The following PCDH15 variants were observed in gnomAD, a reference collection of about 807,000 sequenced individuals.
PCDH15 encodes protocadherin-15.
In PCDH15, 129 loss-of-function variants were observed where a neutral mutation model predicts 178.5. That is an observed-to-expected ratio of 0.72 (90% CI 0.63 to 0.84). The LOEUF (loss-of-function observed/expected upper bound fraction) is 0.84. Ranked by LOEUF, PCDH15 falls within the 40% of genes least tolerant of loss-of-function variation. The pLI, the probability that PCDH15 is intolerant of heterozygous loss-of-function variation, is 0.00. For synonymous variants in PCDH15, 800 were observed against 732.0 expected, an observed-to-expected ratio of 1.09 and a Z score of -1.50; for missense variants, 2,230 against 2,099.9, an observed-to-expected ratio of 1.06 and a Z score of -1.21.
intron 2 of PCDH15, among the ~76,000 whole-genome samples, chr10:55,347,604 T>C (rs941423229): frequency 6.6e-6 from 1 of 152,196 alleles, no homozygotes; most frequent in African/African-American, 2.4e-5. Context: ...TTCATGTAAA[T>C]TAATTACCCT....
At chr10:55,330,542 G>T (rs1477198322) in intron 2 of PCDH15, among the ~76,000 whole-genome samples, 1 of 151,714 alleles carries the variant, frequency 6.6e-6, no homozygotes, top group African/African-American at 2.4e-5. Flanking sequence ...AATATTCAGG[G>T]TTGTCAAGTC....
chr10:54,607,621 C>T (rs940746984), intron 2 of PCDH15, among the ~76,000 whole-genome samples: 3 of 151,852 alleles, frequency 2.0e-5, no homozygotes, highest in Admixed American at 6.6e-5. Context: ...ATAGTCCTTA[C>T]GATTAGAATT....
At chr10:53,968,028 G>T (rs1429537699) in intron 21 of PCDH15, among the ~76,000 whole-genome samples, 1 of 152,138 alleles carries the variant, frequency 6.6e-6, no homozygotes, top group Non-Finnish European at 1.5e-5. Flanking sequence ...TGGACAGTGG[G>T]TGCAGCCCAT....
At chr10:55,045,449 T>A (rs1471771566) in intron 2 of PCDH15, among the ~76,000 whole-genome samples, 1 of 152,030 alleles carries the variant, frequency 6.6e-6, no homozygotes, top group Non-Finnish European at 1.5e-5. Context: ...GTGAAAAATA[T>A]AGGGAGGAGA....
At chr10:55,193,404 T>C (rs1839997475) in intron 1 of PCDH15, among the ~76,000 whole-genome samples, 2 of 152,076 alleles carry the variant, frequency 1.3e-5, no homozygotes, top group South Asian at 2.1e-4. Flanking sequence ...GTCTGAGTTA[T>C]TTAGAAAAAT....
chr10:54,301,214 G>A (rs2060131262), intron 8 of PCDH15, among the ~76,000 whole-genome samples: 1 of 152,098 alleles, frequency 6.6e-6, no homozygotes, highest in South Asian at 2.1e-4. Context: ...AACAAATTCT[G>A]GACACACAAG....
chr10:55,217,932 A>G (rs1016340657), intron 1 of PCDH15, among the ~76,000 whole-genome samples: 6 of 151,980 alleles, frequency 3.9e-5, no homozygotes, highest in Non-Finnish European at 8.8e-5. Flanking sequence ...CTTACTATGA[A>G]GCACAAAATG....
chr10:54,340,057 T>C (rs1488588776), intron 6 of PCDH15, among the ~76,000 whole-genome samples: 1 of 152,196 alleles, frequency 6.6e-6, no homozygotes, highest in Non-Finnish European at 1.5e-5. Flanking sequence ...TTTCTTACCA[T>C]GTTTTAATGT....
At position 55,017,134 on chromosome 10, in the gene PCDH15, A is replaced by G. The variant is rs114824495; in HGVS notation, c.-79-119634T>C. On this transcript the variant is annotated intron_variant, in intron 2 of 5. Transcript: ENST00000458638. ...TTTCTCAAGACTGCTGGCCTTCCCT[A>G]TTGGCCAAATCAACCAAATTTCAAA... 6.1e-3 allele frequency among the ~76,000 whole-genome samples: 928 copies of G among 152,256 alleles called. 11 individuals carry two copies. The highest frequency in any genetic ancestry group is 0.022 in the African/African-American group (901 of 41,570).
chr10:54,945,697 C>A (rs1445578454), intron 2 of PCDH15, among the ~76,000 whole-genome samples: 2 of 151,690 alleles, frequency 1.3e-5, no homozygotes, highest in Non-Finnish European at 3.0e-5. Flanking sequence ...ATCCAAGCAG[C>A]CATTGGAGTT....
chr10:55,349,145 T>C (rs1201936296), intron 2 of PCDH15, among the ~76,000 whole-genome samples: 3 of 152,138 alleles, frequency 2.0e-5, no homozygotes, highest in Non-Finnish European at 2.9e-5. Flanking sequence ...ATGTTTCTTC[T>C]GTAGTCATGG....
intron 2 of PCDH15, among the ~76,000 whole-genome samples, chr10:55,535,346 A>G (rs537812966): frequency 6.6e-6 from 1 of 152,210 alleles, no homozygotes; most frequent in South Asian, 2.1e-4. Context: ...TGTGAGAATA[A>G]GATCACTAGA....
chr10:53,897,112 A>C (rs951703401), intron 26 of PCDH15, among the ~76,000 whole-genome samples: 1 of 152,092 alleles, frequency 6.6e-6, no homozygotes, highest in Non-Finnish European at 1.5e-5. Flanking sequence ...ATTTCAGTTA[A>C]TGATGTTCAA....
chr10:55,079,102 C>T (rs1841977388), intron 2 of PCDH15, among the ~76,000 whole-genome samples: 1 of 151,928 alleles, frequency 6.6e-6, no homozygotes, highest in South Asian at 2.1e-4. Context: ...GATTTTGGGA[C>T]TTTCTTTTTT....
intron 2 of PCDH15, among the ~76,000 whole-genome samples, chr10:55,477,721 T>C (rs1840091009): frequency 6.6e-6 from 1 of 151,958 alleles, no homozygotes; most frequent in Non-Finnish European, 1.5e-5. Context: ...GATGTGCCTA[T>C]TGTGTTTACC....
intron 2 of PCDH15, among the ~76,000 whole-genome samples, chr10:55,369,666 C>A (rs1845452777): frequency 1.3e-5 from 2 of 151,926 alleles, no homozygotes; most frequent in African/African-American, 4.8e-5. Context: ...TTGATACCTA[C>A]AAATTTAAAG....
chr10:54,521,671 C>T (rs1394099033), intron 3 of PCDH15, among the ~76,000 whole-genome samples: 1 of 152,166 alleles, frequency 6.6e-6, no homozygotes, highest in East Asian at 1.9e-4. Context: ...TCATCACATT[C>T]ATATTGACCT....
intron 6 of PCDH15, among the ~76,000 whole-genome samples, chr10:54,345,483 G>A (rs1212748434): frequency 1.3e-5 from 2 of 151,958 alleles, no homozygotes; most frequent in Non-Finnish European, 2.9e-5. Flanking sequence ...GGATTTTGAG[G>A]AGCTGCCTCA....
At chr10:53,922,249 T>C (rs1457481759) in intron 25 of PCDH15, among the ~76,000 whole-genome samples, 1 of 152,158 alleles carries the variant, frequency 6.6e-6, no homozygotes, top group Non-Finnish European at 1.5e-5. Context: ...GAAGCATATT[T>C]AGTATGTGCT....
Sources: allele counts gnomAD v4.1 joint callset (sites outside exome capture counted in the v4.1 genomes callset), GRCh38; gene constraint gnomAD v4.1.1; transcripts MANE v1.5; gene names NCBI Gene and HGNC (gene_info 2026-07-23, HGNC 2026-07-21).